ADAM10: variants seen among roughly 807,000 people sequenced by gnomAD.
ADAM10 encodes ADAM metallopeptidase domain 10.
A neutral mutation model predicts 90.1 loss-of-function variants in ADAM10; 17 were observed. That is an observed-to-expected ratio of 0.19 (90% CI 0.13 to 0.28). The LOEUF is 0.28. ADAM10 is among the 10% of genes least tolerant of loss of function. The pLI is 1.00. For missense variants in ADAM10, 610 were observed against 914.3 expected (o/e 0.67, Z 4.29); for synonymous variants, 310 against 298.6 (o/e 1.04, Z -0.40).
intron 4 of ADAM10, among the ~76,000 whole-genome samples, chr15:58,665,495 G>A (rs577664699): frequency 2.0e-5 from 3 of 151,846 alleles, no homozygotes; most frequent in South Asian, 2.1e-4. Context: ...TATTGCATTC[G>A]GCTGTCACCA....
rs139870063 is a variant in ADAM10 at position 58,647,461 on chromosome 15, T to C, written c.586-1257A>G. On this transcript the variant is annotated intron_variant, in intron 5 of 15. Transcript: ENST00000260408. The stretch of plus-strand genomic sequence containing the variant: ...CTGAATTTTTAGTAGAGACAGGTTT[T>C]CACCATGTTAGCCAAGATGGTCTCG... 8.2e-3 allele frequency among the ~76,000 whole-genome samples: 1,250 copies of C among 151,804 alleles called. 17 individuals are homozygous for C. The highest frequency in any genetic ancestry group is 0.029 in the African/African-American group (1,189 of 41,388).
At chr15:58,624,975 A>G (rs193286976) in intron 10 of ADAM10, among the ~76,000 whole-genome samples, 3 of 152,334 alleles carry the variant, frequency 2.0e-5, no homozygotes, top group Admixed American at 6.5e-5. Flanking sequence ...TACTGTGAAA[A>G]CCCAGTTTAC....
intron 2 of ADAM10, among the ~76,000 whole-genome samples, chr15:58,713,189 C>A (rs559072303): frequency 1.3e-5 from 2 of 152,216 alleles, no homozygotes; most frequent in Non-Finnish European, 2.9e-5. Context: ...CAGCCTCAAC[C>A]TTCCTAGACT....
chr15:58,701,242 T>C (rs368761210), intron 2 of ADAM10, among the ~76,000 whole-genome samples: 4 of 151,722 alleles, frequency 2.6e-5, no homozygotes, highest in South Asian at 2.1e-4. Context: ...ACTCAATAGT[T>C]TAAAAAAAAA....
At chr15:58,721,038 C>T (rs932208820) in intron 1 of ADAM10, among the ~76,000 whole-genome samples, 10 of 152,128 alleles carry the variant, frequency 6.6e-5, no homozygotes, top group African/African-American at 1.4e-4. Flanking sequence ...GTTTTTAAGT[C>T]GCAGTTCAGA....
intron 14 of ADAM10, among the ~76,000 whole-genome samples, chr15:58,601,797 C>T (rs1895119273): frequency 6.6e-6 from 1 of 152,148 alleles, no homozygotes. Flanking sequence ...GACCTTGATA[C>T]TTTTGAAGAT....
At chr15:58,612,642 C>T (rs192771765) in intron 11 of ADAM10, among the ~76,000 whole-genome samples, 1 of 152,282 alleles carries the variant, frequency 6.6e-6, no homozygotes, top group East Asian at 1.9e-4. Context: ...CACCTCCATC[C>T]CCGGTGACCC....
chr15:58,610,590 G>A, intron 13 of ADAM10, 73 bp from the exon 14 acceptor site: 1 of 1,465,418 alleles, frequency 6.8e-7, no homozygotes, highest in Non-Finnish European at 9.5e-7. Context: ...TTCCAGTTGT[G>A]CAAATACAAA....
intron 8 of ADAM10, among the ~76,000 whole-genome samples, chr15:58,637,199 A>G (rs1243189425): frequency 6.6e-6 from 1 of 152,224 alleles, no homozygotes; most frequent in Admixed American, 6.5e-5. Flanking sequence ...TAATCTAAAG[A>G]AAACAGAAGA....
At chr15:58,627,993 T>G (rs1403840235) in intron 9 of ADAM10, 110 bp from the exon 10 acceptor site, 1 of 1,098,262 alleles carries the variant, frequency 9.1e-7, no homozygotes, top group Admixed American at 2.1e-5. Flanking sequence ...TTGTGGACTC[T>G]CCTTTAAAAA....
chr15:58,617,570 C>T (rs921722053), intron 11 of ADAM10, among the ~76,000 whole-genome samples: 3 of 152,004 alleles, frequency 2.0e-5, no homozygotes, highest in Non-Finnish European at 4.4e-5. Flanking sequence ...AGCAATTAGG[C>T]AAGAGAAGAA....
intron 1 of ADAM10, among the ~76,000 whole-genome samples, chr15:58,745,208 G>A (rs566922903): frequency 6.6e-5 from 10 of 152,292 alleles, no homozygotes; most frequent in African/African-American, 2.2e-4. Context: ...TATTCCCAGA[G>A]TTTGTTATAT....
In ADAM10 at chr15:58,622,523, T is replaced by C. The variant is rs528270563; in HGVS notation, c.1361-902A>G. Among the ~76,000 whole-genome samples the C allele has an allele frequency of 8.9e-4, 135 of 152,344 alleles. 1 individual carries two copies. The Middle Eastern group carries it at 0.054, about 61-fold the overall frequency. ...TGTCTATGAAATGTCCCACATTCTA[T>C]TTAGCTGATTGTAATACAATCAGTA... On this transcript the variant is annotated intron_variant, in intron 10 of 15. Transcript: ENST00000260408.
chr15:58,660,083 G>T (rs549171075), intron 5 of ADAM10, among the ~76,000 whole-genome samples: 1 of 152,318 alleles, frequency 6.6e-6, no homozygotes, highest in South Asian at 2.1e-4. Flanking sequence ...TAAACTCTGA[G>T]AATATGGATC....
chr15:58,738,225 A>G (rs1003383814), intron 1 of ADAM10, among the ~76,000 whole-genome samples: 12 of 152,332 alleles, frequency 7.9e-5, no homozygotes, highest in African/African-American at 2.4e-4. Flanking sequence ...TGAGTCATCA[A>G]CTACATGTCA....
At chr15:58,718,417 A>G (rs903390660) in intron 1 of ADAM10, among the ~76,000 whole-genome samples, 7 of 152,234 alleles carry the variant, frequency 4.6e-5, no homozygotes, top group Non-Finnish European at 5.9e-5. Context: ...CAGGGTATAT[A>G]CCGGCTTACA....
chr15:58,682,685 T>C (rs1277310881), intron 2 of ADAM10, among the ~76,000 whole-genome samples: 1 of 152,186 alleles, frequency 6.6e-6, no homozygotes, highest in Non-Finnish European at 1.5e-5. Flanking sequence ...CTAGTAATTC[T>C]GCTATTTTGC....
chr15:58,690,991 C>G (rs1897766321), intron 2 of ADAM10: 2 of 484,558 alleles, frequency 4.1e-6, no homozygotes, highest in Non-Finnish European at 8.1e-6. Flanking sequence ...TGTAGTGTCT[C>G]CACAATGGGG....
At position 58,729,999 on chromosome 15, in the gene ADAM10, CAAACA is replaced by C. The variant is rs1254992873; in HGVS notation, c.56-12277_56-12273del. Among the ~76,000 whole-genome samples, 18 of 126,850 alleles carry C rather than the reference CAAACA, an allele frequency of 1.4e-4. 1 individual carries two copies. The highest frequency in any genetic ancestry group is 5.7e-4 in the Admixed American group (7 of 12,288). 83.2% of individuals were successfully genotyped at this position (126,850 alleles called of 152,430 possible). On this transcript the variant is annotated intron_variant, in intron 1 of 15. Coordinates refer to ENST00000260408, the MANE Select transcript of ADAM10 (RefSeq NM_001110.4). Reference sequence around the variant, plus strand: ...CAAAAACAAAAACAAAACAAACAAACAAACAAAAAAAAAAACTCATTGAAGCACTT... The same window carrying C: ...CAAAAACAAAAACAAAACAAACAAACAAAAAAAAAACTCATTGAAGCACTT...
Sources: allele counts gnomAD v4.1 joint callset (sites outside exome capture counted in the v4.1 genomes callset), GRCh38; gene constraint gnomAD v4.1.1; transcripts MANE v1.5; gene names NCBI Gene and HGNC (gene_info 2026-07-23, HGNC 2026-07-21).